The following APBA1 variants were observed in gnomAD, a reference collection of about 807,000 sequenced individuals.
The protein encoded by APBA1 is amyloid-beta A4 precursor protein-binding family A member 1.
In APBA1, 55 loss-of-function variants were observed where a neutral mutation model predicts 86.6. The observed-to-expected ratio is 0.64, with a 90% CI of 0.51 to 0.80. The LOEUF (loss-of-function observed/expected upper bound fraction) is 0.80, where lower values mean the gene tolerates loss of function less well. Ranked by LOEUF, APBA1 falls within the 30% of genes least tolerant of loss-of-function variation. APBA1 has a pLI of 0.00. For synonymous variants in APBA1, 511 were observed against 493.9 expected (o/e 1.03, Z -0.46); for missense variants, 1,090 against 1,183.0 (o/e 0.92, Z 1.15).
intron 4 of APBA1, among the ~76,000 whole-genome samples, chr9:69,469,251 G>A (rs1236984): frequency 0.65 from 98,944 of 152,044 alleles, 33,831 homozygotes; most frequent in African/African-American, 0.87. Context: ...CTTAAATTAG[G>A]TAACTTGTAA....
intron 2 of APBA1, among the ~76,000 whole-genome samples, chr9:69,495,234 C>A (rs575400567): frequency 1.2e-4 from 18 of 152,178 alleles, no homozygotes; most frequent in African/African-American, 4.3e-4. Flanking sequence ...CTAACTCCTA[C>A]CGTCAAGGGA....
intron 1 of APBA1, among the ~76,000 whole-genome samples, chr9:69,565,284 T>C (rs1837007767): frequency 6.6e-6 from 1 of 152,038 alleles, no homozygotes; most frequent in Admixed American, 6.6e-5. Context: ...AGCCTTGGTG[T>C]AGGTGCGGAC....
Position 69,427,975 on chromosome 9 carries a change from CT to C in APBA1, c.*3351del, listed in dbSNP as rs1369524400. On this transcript the variant is annotated 3_prime_UTR_variant, in exon 13 of 13. Transcript: ENST00000265381. ...TTCCCACACAGTCCTCACACACTGC[CT>C]TGATGGAGGGGAAGAAAGATCGAGT... 1 of 152,172 alleles carries C rather than the reference CT, an allele frequency of 6.6e-6. No homozygotes were observed. Among genetic ancestry groups the C allele is most frequent in the African/African-American group, 2.4e-5 (1 of 41,438 alleles). 9.4% of individuals were successfully genotyped at this position (152,172 alleles called of 1,614,324 possible). A position where few individuals can be genotyped will look rare whatever the true frequency, so the allele number is the denominator to read the frequency against.
At chr9:69,471,226 G>A (rs1287648054) in intron 4 of APBA1, among the ~76,000 whole-genome samples, 3 of 152,198 alleles carry the variant, frequency 2.0e-5, no homozygotes, top group African/African-American at 7.2e-5. Context: ...GCTCATCCAC[G>A]TAATAGATGA....
chr9:69,493,010 G>A (rs1835738626), intron 2 of APBA1, among the ~76,000 whole-genome samples: 2 of 152,038 alleles, frequency 1.3e-5, no homozygotes, highest in Admixed American at 6.5e-5. Context: ...ATCAGGTGTT[G>A]GGTTTTTATT....
rs1041938899 is a variant in APBA1, at chr9:69,440,938, A to G, written c.2301+58T>C. ...CCATCTTGGCTCCACCCCCCCAGCC[A>G]TGCTACATTTTTATTTGTCAACATT... On this transcript the variant is annotated intron_variant, in intron 11 of 12. Transcript: ENST00000265381. 4.7e-5 allele frequency: 75 copies of G among 1,584,932 alleles called. No homozygotes were observed. In the Admixed American group the frequency reaches 5.5e-4, roughly 12 times the overall value.
chr9:69,497,975 C>T (rs1016535489), intron 2 of APBA1, among the ~76,000 whole-genome samples: 3 of 152,212 alleles, frequency 2.0e-5, no homozygotes, highest in South Asian at 4.2e-4. Context: ...TGGCATGGAA[C>T]GATGACAGAT....
intron 3 of APBA1, 125 bp downstream of exon 3, chr9:69,475,923 C>A: frequency 1.3e-6 from 1 of 766,186 alleles, no homozygotes; most frequent in South Asian, 1.5e-5. Context: ...GAGGAGAAAT[C>A]AGGATTGTTC....
At chr9:69,531,097 T>A (rs1836426272) in intron 1 of APBA1, among the ~76,000 whole-genome samples, 1 of 152,210 alleles carries the variant, frequency 6.6e-6, no homozygotes, top group Non-Finnish European at 1.5e-5. Context: ...TGAGAAAGTC[T>A]ACATTCTTTT....
intron 1 of APBA1, among the ~76,000 whole-genome samples, chr9:69,583,020 T>G (rs529978525): frequency 4.6e-5 from 7 of 152,192 alleles, no homozygotes; most frequent in Non-Finnish European, 8.8e-5. Flanking sequence ...ATGTGTGTTC[T>G]GAGCTAAGGA....
intron 1 of APBA1, among the ~76,000 whole-genome samples, chr9:69,594,893 A>T (rs1392274060): frequency 6.6e-6 from 1 of 152,184 alleles, no homozygotes; most frequent in Non-Finnish European, 1.5e-5. Context: ...GTGTTAGGCA[A>T]GTTACCAAAG....
intron 1 of APBA1, among the ~76,000 whole-genome samples, chr9:69,527,624 T>C (rs544859001): frequency 1.3e-5 from 2 of 152,170 alleles, no homozygotes; most frequent in African/African-American, 4.8e-5. Context: ...TCCTATTACA[T>C]TACACTGAGC....
chr9:69,606,295 T>C (rs544071328), intron 1 of APBA1, among the ~76,000 whole-genome samples: 16 of 152,252 alleles, frequency 1.1e-4, no homozygotes, highest in Non-Finnish European at 1.5e-4. Context: ...AACTAGAATA[T>C]GTGACATTAG....
intron 8 of APBA1, among the ~76,000 whole-genome samples, chr9:69,452,820 T>G (rs11138722): frequency 0.069 from 10,484 of 152,344 alleles, 568 homozygotes; most frequent in East Asian, 0.27. Context: ...AGGAGGAAAC[T>G]TCATGACTTT....
At chr9:69,655,905 A>G (rs1265884795) in intron 1 of APBA1, among the ~76,000 whole-genome samples, 1 of 152,228 alleles carries the variant, frequency 6.6e-6, no homozygotes, top group African/African-American at 2.4e-5. Context: ...CTTGAAAGTT[A>G]TCGCCACAAA....
upstream of APBA1, among the ~76,000 whole-genome samples, chr9:69,672,582 G>A (rs577455452): frequency 7.4e-5 from 11 of 149,626 alleles, no homozygotes; most frequent in South Asian, 2.3e-3. Context: ...CACCGCTGAT[G>A]TCCTCCGTGG....
chr9:69,447,483 C>T (rs892156305), intron 10 of APBA1, among the ~76,000 whole-genome samples: 15 of 152,324 alleles, frequency 9.8e-5, no homozygotes, highest in South Asian at 2.1e-4. Flanking sequence ...GGATGTTTGA[C>T]AGTATCCCTG....
intron 1 of APBA1, among the ~76,000 whole-genome samples, chr9:69,671,545 G>A (rs1008052707): frequency 6.6e-6 from 1 of 152,124 alleles, no homozygotes; most frequent in Non-Finnish European, 1.5e-5. Context: ...AGTCTTAGCC[G>A]GTGACATCAA....
At position 69,444,346 on chromosome 9, in the gene APBA1, C is replaced by T. The variant is rs374556632; in HGVS notation, c.2182-3231G>A. Among the ~76,000 whole-genome samples, 14 of 152,316 alleles carry T rather than the reference C, an allele frequency of 9.2e-5. 1 individual carries two copies. The South Asian group carries it at 2.7e-3, about 29-fold the overall frequency. ...GCCTTCCATATGCGGCAGATCCCAT[C>T]GTCCCCATCGACAAAGGGAGATGCT... On this transcript the variant is annotated intron_variant, in intron 10 of 12. Coordinates refer to ENST00000265381, the MANE Select transcript of APBA1 (RefSeq NM_001163.4).
Sources: allele counts gnomAD v4.1 joint callset (sites outside exome capture counted in the v4.1 genomes callset), GRCh38; gene constraint gnomAD v4.1.1; transcripts MANE v1.5; gene names NCBI Gene and HGNC (gene_info 2026-07-23, HGNC 2026-07-21).